ZNF350: variants seen among roughly 807,000 people sequenced by gnomAD.
ZNF350 encodes zinc finger protein 350.
ZNF350 carries 5 observed loss-of-function variants against 13.1 expected under a neutral mutation model. The ratio of observed to expected loss-of-function variants is 0.38; its 90% CI spans 0.20 to 0.80. The LOEUF (loss-of-function observed/expected upper bound fraction) is 0.80. Ranked by LOEUF, ZNF350 falls within the 30% of genes least tolerant of loss-of-function variation. ZNF350 has a pLI of 0.43. For missense variants in ZNF350, 534 were observed against 644.2 expected (o/e 0.83, Z 1.85); for synonymous variants, 199 against 224.2 (o/e 0.89, Z 1.00).
At position 51,966,637 on chromosome 19, in the gene ZNF350, A is replaced by ATT. The variant is rs1157720937; in HGVS notation, c.239-425_239-424dup. Among the ~76,000 whole-genome samples, 237 of 139,674 alleles carry ATT rather than the reference A, an allele frequency of 1.7e-3. 1 individual carries two copies. Among genetic ancestry groups the ATT allele is most frequent in the African/African-American group, 6.1e-3 (227 of 37,100 alleles). 91.6% of individuals were successfully genotyped at this position (139,674 alleles called of 152,430 possible). A position where few individuals can be genotyped will look rare whatever the true frequency, so the allele number is the denominator to read the frequency against. On this transcript the variant is annotated intron_variant, in intron 4 of 4. Coordinates refer to ENST00000243644, the MANE Select transcript of ZNF350 (RefSeq NM_021632.4). ...TACAATCCCGGCTCACAGCCAAAGT[A>ATT]TTTTTTGTTGTTTTTTTTTTGTTTT...
intron 1 of ZNF350, chr19:51,981,257 A>ACG (rs567110870): frequency 5.4e-5 from 8 of 147,070 alleles, no homozygotes; most frequent in East Asian, 2.0e-4. Context: ...CCCTTCTTCC[A>ACG]CCCCCCCACC....
intron 2 of ZNF350, chr19:51,973,232 A>G (rs900987743): frequency 7.2e-5 from 11 of 152,076 alleles, no homozygotes; most frequent in African/African-American, 2.4e-4. Flanking sequence ...GCCATGAGCC[A>G]CCGCGCCCAG....
chr19:51,965,865 A>C lies in ZNF350; in HGVS notation c.588T>G (p.His196Gln), dbSNP rs2085553226. The C allele has an allele frequency of 1.9e-6, 3 of 1,614,086 alleles. No individual in the cohort carries two copies. Among genetic ancestry groups the C allele is most frequent in the African/African-American group, 2.7e-5 (2 of 75,040 alleles). ...GCTTCTCTAATTTTCGTGTTTTCTGATGCTTGGGACTGATGAATTGGGACT... is the reference window on the plus strand; with the variant it reads ...GCTTCTCTAATTTTCGTGTTTTCTGCTGCTTGGGACTGATGAATTGGGACT... The part of the protein sequence containing the change: ...STKSQFISPK[H>Q]QKTRKLEKHH... Residue 196 changes from histidine to glutamine, a missense_variant, in exon 5 of 5, where the codon CAT (histidine) becomes CAG (glutamine). Coordinates refer to ENST00000243644, the MANE Select transcript of ZNF350 (RefSeq NM_021632.4).
rs574558160 is a variant in ZNF350, at chr19:51,974,353, T to C, written c.8A>G (p.Gln3Arg). 1 of 1,613,912 alleles carries C rather than the reference T, an allele frequency of 6.2e-7. No individual in the cohort carries two copies. The highest frequency in any genetic ancestry group is 2.2e-5 in the East Asian group (1 of 44,872). MI[Q>R]AQESITLEDV... ...AAACCAAAAGTCAGTTACCTGGGCC[T>C]GGATCATTTTCTTCTGTTCTTGGAA... Residue 3 changes from glutamine (Q) to arginine (R), a missense_variant, in exon 2 of 5, where the codon CAG becomes CGG. Coordinates refer to ENST00000243644, the MANE Select transcript of ZNF350 (RefSeq NM_021632.4).
At position 51,974,427 on chromosome 19, in the gene ZNF350, T is replaced by C; in HGVS notation, c.-67A>G. 2 of 1,573,846 alleles carry C rather than the reference T, an allele frequency of 1.3e-6. No individual in the cohort carries two copies. The highest frequency in any genetic ancestry group is 4.5e-5 in the East Asian group (2 of 44,592). On this transcript the variant is annotated 5_prime_UTR_variant, in exon 2 of 5. Transcript: ENST00000243644. ...TGTCTTTGTATCTTCTGGCCTTCTC[T>C]TCAGAAGTCTCAGTTTTCAATCAAG... is the stretch of plus-strand genomic sequence containing the variant.
intron 2 of ZNF350, among the ~76,000 whole-genome samples, chr19:51,970,199 T>C (rs1457869142): frequency 6.6e-6 from 1 of 151,582 alleles, no homozygotes; most frequent in Non-Finnish European, 1.5e-5. Context: ...GTAGCTAGGA[T>C]TACAGGTGCC....
intron 1 of ZNF350, among the ~76,000 whole-genome samples, chr19:51,977,159 A>G (rs1182107469): frequency 1.3e-5 from 2 of 152,144 alleles, no homozygotes; most frequent in African/African-American, 4.8e-5. Flanking sequence ...CCCTTAGGAC[A>G]TTGTGCTTTT....
intron 2 of ZNF350, among the ~76,000 whole-genome samples, chr19:51,970,576 T>TC (rs2085710235): frequency 6.6e-6 from 1 of 152,170 alleles, no homozygotes; most frequent in Non-Finnish European, 1.5e-5. Flanking sequence ...CAACCATATA[T>TC]CACAAATCCA....
intron 2 of ZNF350, among the ~76,000 whole-genome samples, chr19:51,972,714 G>GAC (rs1347292252): frequency 4.2e-5 from 6 of 142,600 alleles, no homozygotes; most frequent in African/African-American, 1.4e-4. Context: ...TACATATATA[G>GAC]ACATAGATCC....
At chr19:51,969,923 C>T (rs903098406) in intron 2 of ZNF350, among the ~76,000 whole-genome samples, 1 of 152,162 alleles carries the variant, frequency 6.6e-6, no homozygotes, top group African/African-American at 2.4e-5. Context: ...AATGGAGACT[C>T]ACTCTCTTTC....
chr19:51,964,574 C>A lies in ZNF350; in HGVS notation c.*280G>T. 1 of 452,600 alleles carries A rather than the reference C, an allele frequency of 2.2e-6. No individual in the cohort carries two copies. The highest frequency in any genetic ancestry group is 3.9e-6 in the Non-Finnish European group (1 of 253,834). The allele number at this position is 452,600 out of a possible 1,614,324, so 28.0% of individuals were successfully genotyped here. ...TCAGTCACTGCAACACTCCCGACAC[C>A]AATTATCTCATCTGTTTTAAAAATT... On this transcript the variant is annotated 3_prime_UTR_variant, in exon 5 of 5. Transcript: ENST00000243644.
At chr19:51,967,258 T>C (rs968329120) in intron 4 of ZNF350, 1 of 152,086 alleles carries the variant, frequency 6.6e-6, no homozygotes, top group East Asian at 1.9e-4. Context: ...TTCCACATAC[T>C]CTTACTGAAT....
chr19:51,964,811 A>C lies in ZNF350; in HGVS notation c.*43T>G. ...CTTTTCGGCCACATAATGAACTACA[A>C]ATTTTTGCTCAACCCTTTTCCACAT... On this transcript the variant is annotated 3_prime_UTR_variant, in exon 5 of 5. Transcript: ENST00000243644. 6.4e-7 allele frequency: 1 copy of C among 1,566,258 alleles called. No individual in the cohort carries two copies. Among genetic ancestry groups the C allele is most frequent in the Admixed American group, 1.8e-5 (1 of 54,934 alleles).
chr19:51,965,278 T>C lies in ZNF350; in HGVS notation c.1175A>G (p.His392Arg). The C allele has an allele frequency of 1.2e-6, 2 of 1,614,090 alleles. No homozygotes were observed. Among genetic ancestry groups the C allele is most frequent in the South Asian group, 1.1e-5 (1 of 91,088 alleles). ...TCTCTCTCCTGTATGAGTCCTTTGA[T>C]GGACAATGAGCTTTTGCTTTGTGCT... ...AFSTKQKLIV[H>R]QRTHTGERPY... Residue 392 changes from histidine (H) to arginine (R), a missense_variant, in exon 5 of 5, where the codon CAT (histidine) becomes CGT (arginine). His to Arg is a conservative substitution (Grantham distance 29). Transcript: ENST00000243644.
chr19:51,966,486 G>A (rs2085579096), intron 4 of ZNF350, among the ~76,000 whole-genome samples: 1 of 151,844 alleles, frequency 6.6e-6, no homozygotes, highest in Non-Finnish European at 1.5e-5. Context: ...GTCTCACCAT[G>A]TTGGCCAGGC....
intron 4 of ZNF350, among the ~76,000 whole-genome samples, chr19:51,967,803 A>G (rs2085621369): frequency 1.3e-5 from 2 of 152,234 alleles, no homozygotes; most frequent in Admixed American, 1.3e-4. Flanking sequence ...GCCAAGATTC[A>G]GGATGTACAG....
chr19:51,967,919 C>T (rs2085624699), intron 4 of ZNF350, among the ~76,000 whole-genome samples: 1 of 152,126 alleles, frequency 6.6e-6, no homozygotes, highest in Non-Finnish European at 1.5e-5. Context: ...GTAAATTACA[C>T]AGAACTAAAA....
At chr19:51,979,821 G>A (rs2085989903) in intron 1 of ZNF350, among the ~76,000 whole-genome samples, 1 of 152,202 alleles carries the variant, frequency 6.6e-6, no homozygotes, top group African/African-American at 2.4e-5. Context: ...ACTGGCATTG[G>A]CGGCAAGCTT....
Position 51,966,140 on chromosome 19 carries a change from C to T in ZNF350, c.313G>A (p.Glu105Lys). 6.2e-7 allele frequency: 1 copy of T among 1,613,936 alleles called. No individual in the cohort carries two copies. The highest frequency in any genetic ancestry group is 1.3e-5 in the African/African-American group (1 of 75,056). ...ACAATATTTTCAAATGCATCATGTT[C>T]ATGACATGGTTTCCTTCTGTTCACC... is the stretch of plus-strand genomic sequence containing the variant. ...SLVNRRKPCH[E>K]HDAFENIVHC... Residue 105 changes from glutamate (E) to lysine (K), a missense_variant, in exon 5 of 5, where the codon GAA (glutamate) becomes AAA (lysine). Physicochemically the swap from Glu to Lys is moderately conservative, Grantham distance 56. Transcript: ENST00000243644.
Sources: allele counts gnomAD v4.1 joint callset (sites outside exome capture counted in the v4.1 genomes callset), GRCh38; gene constraint gnomAD v4.1.1; transcripts MANE v1.5; gene names NCBI Gene and HGNC (gene_info 2026-07-23, HGNC 2026-07-21).